SESTD1: variants seen among roughly 807,000 people sequenced by gnomAD.
SESTD1 encodes the protein SEC14 and spectrin domain containing 1.
A neutral mutation model predicts 101.7 loss-of-function variants in SESTD1; 43 were observed. That is an observed-to-expected ratio of 0.42 (90% CI 0.33 to 0.55). SESTD1 has a LOEUF of 0.55. Ranked by LOEUF, SESTD1 falls within the 20% of genes least tolerant of loss-of-function variation. The pLI, the probability that SESTD1 is intolerant of heterozygous loss-of-function variation, is 0.07. For missense variants in SESTD1, 647 were observed against 815.1 expected (o/e 0.79, Z 2.51); for synonymous variants, 283 against 286.8 (o/e 0.99, Z 0.13).
At chr2:179,258,223 A>G (rs963519269) in intron 1 of SESTD1, among the ~76,000 whole-genome samples, 3 of 152,218 alleles carry the variant, frequency 2.0e-5, no homozygotes, top group African/African-American at 7.2e-5. Context: ...TTCTGATAAA[A>G]ATTATCTAAC....
In SESTD1 at chr2:179,105,620, T is replaced by C. The variant is rs905016654; in HGVS notation, c.*4279A>G. The C allele has an allele frequency of 2.6e-5, 4 of 152,180 alleles. No individual in the cohort carries two copies. Among genetic ancestry groups the C allele is most frequent in the Middle Eastern group, 3.2e-3 (1 of 316 alleles). 9.4% of individuals were successfully genotyped at this position (152,180 alleles called of 1,614,324 possible). A position where few individuals can be genotyped will look rare whatever the true frequency, so the allele number is the denominator to read the frequency against. ...TTGTCATGTGAGACAACAGAAAGGATAAAGAATACTCTATTTTTTATTCTG... is the reference window on the plus strand; with the variant it reads ...TTGTCATGTGAGACAACAGAAAGGACAAAGAATACTCTATTTTTTATTCTG... On this transcript the variant is annotated 3_prime_UTR_variant, in exon 18 of 18. Coordinates refer to ENST00000428443, the MANE Select transcript of SESTD1 (RefSeq NM_178123.5).
rs1323983499 is a variant in SESTD1 at position 179,108,363 on chromosome 2, T to A, written c.*1536A>T. 14 of 152,164 alleles carry A rather than the reference T, an allele frequency of 9.2e-5. No homozygotes were observed. Among genetic ancestry groups the A allele is most frequent in the Non-Finnish European group, 2.9e-5 (2 of 68,046 alleles). The allele number at this position is 152,164 out of a possible 1,614,324, so 9.4% of individuals were successfully genotyped here. A position where few individuals can be genotyped will look rare whatever the true frequency, so the allele number is the denominator to read the frequency against. On this transcript the variant is annotated 3_prime_UTR_variant, in exon 18 of 18. Coordinates refer to ENST00000428443, the MANE Select transcript of SESTD1 (RefSeq NM_178123.5). ...AGGAAAGGTTGCTCAATGGTGTAAA[T>A]GTTGCAGAGAAAAGGGTAAGGGATT...
chr2:179,114,367 C>T (rs894376263), intron 16 of SESTD1, among the ~76,000 whole-genome samples: 1 of 152,062 alleles, frequency 6.6e-6, no homozygotes, highest in African/African-American at 2.4e-5. Context: ...TCGAACATTC[C>T]CTACATATAA....
intron 2 of SESTD1, among the ~76,000 whole-genome samples, chr2:179,191,500 A>T (rs2046319487): frequency 6.6e-6 from 1 of 152,142 alleles, no homozygotes; most frequent in Non-Finnish European, 1.5e-5. Flanking sequence ...CTGGGTGAGG[A>T]GAATCAATTA....
Position 179,246,896 on chromosome 2 carries a change from G to A in SESTD1, c.-26+17603C>T, listed in dbSNP as rs139106977. ...GAAAGTAGGTTAATGGTAAAAACTT[G>A]TTGGAAAGATCTACTCAGCAGTCTG... On this transcript the variant is annotated intron_variant, in intron 1 of 17. Transcript: ENST00000428443. 5.9e-5 allele frequency among the ~76,000 whole-genome samples: 9 copies of A among 152,272 alleles called. No individual in the cohort carries two copies. In the East Asian group the frequency reaches 1.2e-3, roughly 20 times the overall value.
intron 10 of SESTD1, among the ~76,000 whole-genome samples, chr2:179,131,444 G>GTACTT (rs1314184787): frequency 6.6e-6 from 1 of 152,094 alleles, no homozygotes. Flanking sequence ...TGTTCCGACG[G>GTACTT]TACTTAATGC....
At chr2:179,126,020 C>G (rs770132098) in intron 10 of SESTD1, among the ~76,000 whole-genome samples, 2 of 152,180 alleles carry the variant, frequency 1.3e-5, no homozygotes, top group Non-Finnish European at 2.9e-5. Context: ...TGTCTCCCAT[C>G]AGTTCTTCTG....
intron 8 of SESTD1, among the ~76,000 whole-genome samples, chr2:179,145,306 C>A (rs188095790): frequency 2.0e-5 from 3 of 152,182 alleles, no homozygotes; most frequent in South Asian, 2.1e-4. Flanking sequence ...TGAAATCAAA[C>A]TGCCTAGGTT....
At chr2:179,260,843 G>C (rs2047472274) in intron 1 of SESTD1, among the ~76,000 whole-genome samples, 1 of 152,092 alleles carries the variant, frequency 6.6e-6, no homozygotes, top group Non-Finnish European at 1.5e-5. Context: ...AAAGAAACAT[G>C]TCTGTATGTA....
chr2:179,122,933 T>C (rs1483296092), intron 12 of SESTD1, among the ~76,000 whole-genome samples: 3 of 152,114 alleles, frequency 2.0e-5, no homozygotes, highest in Non-Finnish European at 2.9e-5. Context: ...GCAAGTAAAA[T>C]GTCAGTACAA....
intron 1 of SESTD1, among the ~76,000 whole-genome samples, chr2:179,201,972 C>T (rs963191688): frequency 8.3e-6 from 1 of 120,600 alleles, no homozygotes; most frequent in Non-Finnish European, 1.7e-5. Flanking sequence ...AAGAGGAATG[C>T]TTAGGACAAG....
At chr2:179,142,427 A>G (rs1028035225) in intron 9 of SESTD1, among the ~76,000 whole-genome samples, 1 of 152,222 alleles carries the variant, frequency 6.6e-6, no homozygotes, top group Non-Finnish European at 1.5e-5. Flanking sequence ...AGAGAGGGAA[A>G]GAAAGAGAGG....
rs976892201 is a variant in SESTD1, at chr2:179,104,307, A to G, written c.*5592T>C. On this transcript the variant is annotated 3_prime_UTR_variant, in exon 18 of 18. Transcript: ENST00000428443. ...TTCACCTTTACAAAATACAATACAT[A>G]TATTTTGATGATATATTCTGAGCAA... 3 of 152,168 alleles carry G rather than the reference A, an allele frequency of 2.0e-5. No individual in the cohort carries two copies. The highest frequency in any genetic ancestry group is 4.8e-5 in the African/African-American group (2 of 41,446). 9.4% of individuals were successfully genotyped at this position (152,168 alleles called of 1,614,324 possible).
intron 1 of SESTD1, among the ~76,000 whole-genome samples, chr2:179,220,165 T>C (rs1014812134): frequency 6.6e-6 from 1 of 152,144 alleles, no homozygotes; most frequent in Non-Finnish European, 1.5e-5. Flanking sequence ...AACTACAATA[T>C]AAGCCACTAC....
rs1044706845 is a variant in SESTD1 at position 179,104,453 on chromosome 2, T to C, written c.*5446A>G. The stretch of plus-strand genomic sequence containing the variant: ...ACTAAAAAAGAATCTGTAACTGTAA[T>C]AGAAAAGAAGTGAGGCTTGGTCATA... On this transcript the variant is annotated 3_prime_UTR_variant, in exon 18 of 18. Transcript: ENST00000428443. The C allele has an allele frequency of 6.6e-6, 1 of 152,100 alleles. No homozygotes were observed. Among genetic ancestry groups the C allele is most frequent in the Admixed American group, 6.6e-5 (1 of 15,264 alleles). The allele number at this position is 152,100 out of a possible 1,614,324, so 9.4% of individuals were successfully genotyped here.
At chr2:179,196,505 G>C (rs935714292) in intron 1 of SESTD1, among the ~76,000 whole-genome samples, 6 of 152,252 alleles carry the variant, frequency 3.9e-5, no homozygotes, top group Non-Finnish European at 8.8e-5. Context: ...CTTGGGGGCA[G>C]AGCACAGACA....
At chr2:179,153,067 T>C (rs1187723910) in intron 5 of SESTD1, among the ~76,000 whole-genome samples, 2 of 152,116 alleles carry the variant, frequency 1.3e-5, no homozygotes, top group Non-Finnish European at 2.9e-5. Flanking sequence ...TAAAGGAGAA[T>C]ACCATTTCGT....
chr2:179,196,627 C>G (rs1188993355), intron 1 of SESTD1, among the ~76,000 whole-genome samples: 3 of 152,216 alleles, frequency 2.0e-5, no homozygotes, highest in Non-Finnish European at 2.9e-5. Flanking sequence ...GGGCAGACTG[C>G]CTCCTCAAGT....
chr2:179,192,217 T>C (rs1260415452), intron 1 of SESTD1, among the ~76,000 whole-genome samples: 2 of 152,184 alleles, frequency 1.3e-5, no homozygotes, highest in Non-Finnish European at 2.9e-5. Flanking sequence ...GCCTGGTACA[T>C]ACTAGTAACT....
Sources: allele counts gnomAD v4.1 joint callset (sites outside exome capture counted in the v4.1 genomes callset), GRCh38; gene constraint gnomAD v4.1.1; transcripts MANE v1.5; gene names NCBI Gene and HGNC (gene_info 2026-07-23, HGNC 2026-07-21).